The following PLCL2 variants were observed in gnomAD, a reference collection of about 807,000 sequenced individuals.
The protein encoded by PLCL2 is phospholipase C like 2.
PLCL2 carries 4 observed loss-of-function variants against 79.6 expected under a neutral mutation model. The ratio of observed to expected loss-of-function variants is 0.05; its 90% CI spans 0.02 to 0.11. The LOEUF (loss-of-function observed/expected upper bound fraction) is 0.11. Among genes scored for constraint, PLCL2 ranks in the 10% least tolerant of loss-of-function variants. The pLI is 1.00. For missense variants in PLCL2, 895 were observed against 1,291.0 expected (o/e 0.69, Z 4.70); for synonymous variants, 484 against 457.7 (o/e 1.06, Z -0.73).
intron 1 of PLCL2, among the ~76,000 whole-genome samples, chr3:17,008,864 T>C (rs930063693): frequency 1.3e-5 from 2 of 152,168 alleles, no homozygotes; most frequent in African/African-American, 4.8e-5. Flanking sequence ...GTTGTCCACA[T>C]TGGAGTGCTG....
intron 1 of PLCL2, among the ~76,000 whole-genome samples, chr3:16,897,747 A>C (rs1335949467): frequency 2.0e-5 from 3 of 152,198 alleles, no homozygotes; most frequent in Admixed American, 1.3e-4. Context: ...CTTTGCGTGA[A>C]TGTGTACTTT....
chr3:16,912,992 C>T (rs1377392156), intron 1 of PLCL2, among the ~76,000 whole-genome samples: 1 of 152,198 alleles, frequency 6.6e-6, no homozygotes, highest in Non-Finnish European at 1.5e-5. Flanking sequence ...CTGTTCTTCT[C>T]CCTTTCCCCC....
intron 1 of PLCL2, among the ~76,000 whole-genome samples, chr3:16,909,243 A>T (rs914618236): frequency 6.6e-6 from 1 of 152,246 alleles, no homozygotes; most frequent in African/African-American, 2.4e-5. Flanking sequence ...TAAAATGTAC[A>T]CTCTCAATAT....
At chr3:17,039,096 G>C (rs978446569) in intron 3 of PLCL2, among the ~76,000 whole-genome samples, 2 of 152,214 alleles carry the variant, frequency 1.3e-5, no homozygotes, top group African/African-American at 4.8e-5. Context: ...AGTACATACT[G>C]ATGCAGAGAT....
intron 4 of PLCL2, among the ~76,000 whole-genome samples, chr3:17,051,220 C>A (rs1050487507): frequency 3.3e-5 from 5 of 151,980 alleles, no homozygotes; most frequent in Admixed American, 3.3e-4. Context: ...TTAGGAAGAA[C>A]GAGTAAGACC....
intron 1 of PLCL2, among the ~76,000 whole-genome samples, chr3:16,903,251 T>C (rs1341127767): frequency 6.6e-6 from 1 of 152,196 alleles, no homozygotes; most frequent in Non-Finnish European, 1.5e-5. Flanking sequence ...CATTGACTTT[T>C]CTTGTTATTT....
Position 16,925,741 on chromosome 3 carries a change from G to C in PLCL2, c.327+40375G>C, listed in dbSNP as rs1294824522. On this transcript the variant is annotated intron_variant, in intron 1 of 5. Coordinates refer to ENST00000615277, the MANE Select transcript of PLCL2 (RefSeq NM_001144382.2). ...TTTTATGTCTGAAAAATATTCCATT[G>C]TATGGATATGCCACAGTTTATCCAT... Among the ~76,000 whole-genome samples, 3 of 152,124 alleles carry C rather than the reference G, an allele frequency of 2.0e-5. No homozygotes were observed. The South Asian group carries it at 6.2e-4, about 32-fold the overall frequency.
chr3:16,898,319 C>T (rs546548274), intron 1 of PLCL2, among the ~76,000 whole-genome samples: 12 of 151,378 alleles, frequency 7.9e-5, no homozygotes, highest in Middle Eastern at 3.4e-3. Context: ...TTTTTTGGAA[C>T]ATTCAGTACT....
chr3:16,895,440 A>G lies in PLCL2; in HGVS notation c.327+10074A>G, dbSNP rs551026422. Among the ~76,000 whole-genome samples the G allele has an allele frequency of 2.6e-5, 4 of 152,278 alleles. No individual in the cohort carries two copies. The East Asian group carries it at 7.7e-4, about 29-fold the overall frequency. On this transcript the variant is annotated intron_variant, in intron 1 of 5. Transcript: ENST00000615277. ...GATTTTCTTTCCATATAAATATCCA[A>G]TTAATTCAGCACCATTTATTTGAAA... is the stretch of plus-strand genomic sequence containing the variant.
At chr3:16,969,851 C>T (rs1442520260) in intron 1 of PLCL2, among the ~76,000 whole-genome samples, 1 of 151,734 alleles carries the variant, frequency 6.6e-6, no homozygotes, top group East Asian at 1.9e-4. Flanking sequence ...TGAGATCCTT[C>T]TAACTTTTTA....
intron 1 of PLCL2, among the ~76,000 whole-genome samples, chr3:16,980,671 G>T (rs2063982493): frequency 6.6e-6 from 1 of 151,606 alleles, no homozygotes. Flanking sequence ...CAGGCAGAGG[G>T]GATCCTCACA....
At chr3:17,017,818 A>G (rs1202679237) in intron 3 of PLCL2, among the ~76,000 whole-genome samples, 1 of 152,086 alleles carries the variant, frequency 6.6e-6, no homozygotes, top group Non-Finnish European at 1.5e-5. Flanking sequence ...ACTTTTCAAT[A>G]TCTAGACTGT....
At chr3:16,891,553 A>G (rs1241379774) in intron 1 of PLCL2, among the ~76,000 whole-genome samples, 1 of 152,208 alleles carries the variant, frequency 6.6e-6, no homozygotes, top group South Asian at 2.1e-4. Context: ...ACCTCAGTAC[A>G]ACTGCACACA....
intron 1 of PLCL2, among the ~76,000 whole-genome samples, chr3:16,965,362 T>C (rs542414371): frequency 6.6e-6 from 1 of 152,180 alleles, no homozygotes; most frequent in Non-Finnish European, 1.5e-5. Context: ...AGGGCTCTGT[T>C]CTGTTCCATT....
At chr3:17,040,013 T>C (rs1311198653) in intron 3 of PLCL2, among the ~76,000 whole-genome samples, 1 of 152,224 alleles carries the variant, frequency 6.6e-6, no homozygotes, top group Non-Finnish European at 1.5e-5. Flanking sequence ...GAATATTGAA[T>C]TTTATCACAT....
intron 3 of PLCL2, among the ~76,000 whole-genome samples, chr3:17,015,900 G>A (rs1575588340): frequency 6.6e-6 from 1 of 152,194 alleles, no homozygotes; most frequent in South Asian, 2.1e-4. Context: ...GAAAAAAGAC[G>A]TTGGGCCAGC....
At chr3:16,921,595 A>G (rs1164318597) in intron 1 of PLCL2, among the ~76,000 whole-genome samples, 1 of 152,208 alleles carries the variant, frequency 6.6e-6, no homozygotes, top group Non-Finnish European at 1.5e-5. Context: ...TGTGAATGAG[A>G]AAAACAGGAG....
intron 4 of PLCL2, among the ~76,000 whole-genome samples, chr3:17,056,466 G>A (rs964629363): frequency 2.0e-5 from 3 of 151,978 alleles, no homozygotes; most frequent in Non-Finnish European, 4.4e-5. Flanking sequence ...GATTGTAAAA[G>A]GGAATATACA....
At chr3:17,062,879 C>A (rs2064965980) in intron 4 of PLCL2, among the ~76,000 whole-genome samples, 1 of 152,074 alleles carries the variant, frequency 6.6e-6, no homozygotes, top group Admixed American at 6.5e-5. Flanking sequence ...AGTGGGAATT[C>A]TTGTCACTAT....
Sources: allele counts gnomAD v4.1 joint callset (sites outside exome capture counted in the v4.1 genomes callset), GRCh38; gene constraint gnomAD v4.1.1; transcripts MANE v1.5; gene names NCBI Gene and HGNC (gene_info 2026-07-23, HGNC 2026-07-21).